EXOC4: variants seen among roughly 807,000 people sequenced by gnomAD.
The protein encoded by EXOC4 is exocyst complex component 4, also known as SEC8-like 1.
Under a neutral mutation model 107.2 loss-of-function variants are expected in EXOC4, and 71 were observed. The observed-to-expected ratio is 0.66, with a 90% CI of 0.55 to 0.81. The LOEUF (loss-of-function observed/expected upper bound fraction) is 0.81, where lower values mean the gene tolerates loss of function less well. EXOC4 is among the 30% of genes least tolerant of loss of function. The probability of loss-of-function intolerance (pLI) is 0.00; values close to 1 mark genes in which losing one functional copy is unlikely to be tolerated. For missense variants in EXOC4, 1,108 were observed against 1,189.6 expected, an observed-to-expected ratio of 0.93 and a Z score of 1.01; for synonymous variants, 456 against 441.2, an observed-to-expected ratio of 1.03 and a Z score of -0.42.
chr7:133,816,451 A>G (rs1249216540), intron 10 of EXOC4, among the ~76,000 whole-genome samples: 1 of 152,186 alleles, frequency 6.6e-6, no homozygotes, highest in East Asian at 1.9e-4. Flanking sequence ...GAGGAAGTAG[A>G]TCATTGCAAG....
At chr7:133,474,215 GT>G (rs1297124714) in intron 7 of EXOC4, among the ~76,000 whole-genome samples, 1 of 152,020 alleles carries the variant, frequency 6.6e-6, no homozygotes, top group East Asian at 1.9e-4. Context: ...GCTGCCTTTT[GT>G]TTTTAGTGTA....
At chr7:134,070,770 A>G (rs1174582969), downstream of EXOC4, among the ~76,000 whole-genome samples, 1 of 127,510 alleles carries the variant, frequency 7.8e-6, no homozygotes. Context: ...TTATGTGTGT[A>G]CAAATAACTG....
chr7:133,664,120 G>A (rs148130009), intron 10 of EXOC4, among the ~76,000 whole-genome samples: 4 of 151,964 alleles, frequency 2.6e-5, no homozygotes, highest in East Asian at 1.9e-4. Context: ...TTTCTCAAAC[G>A]TTACCTTCCT....
chr7:133,276,962 G>A (rs555103522), intron 2 of EXOC4, among the ~76,000 whole-genome samples: 2 of 151,830 alleles, frequency 1.3e-5, no homozygotes, highest in Admixed American at 6.6e-5. Flanking sequence ...AAATTAACTG[G>A]GCATTTTTTT....
intron 7 of EXOC4, among the ~76,000 whole-genome samples, chr7:133,415,036 T>C (rs1286883425): frequency 2.6e-5 from 4 of 152,310 alleles, no homozygotes; most frequent in East Asian, 3.9e-4. Flanking sequence ...TCATATAATA[T>C]GTGGTCTTTA....
chr7:134,080,751 G>A, the EXOC4 span, among the ~76,000 whole-genome samples: 3 of 151,804 alleles, frequency 2.0e-5, no homozygotes, highest in Non-Finnish European at 4.4e-5. Flanking sequence ...ACCAGCCCAG[G>A]CAACATAGCA....
At chr7:133,257,390 A>G (rs1380566398) in intron 1 of EXOC4, among the ~76,000 whole-genome samples, 2 of 151,712 alleles carry the variant, frequency 1.3e-5, no homozygotes, top group Non-Finnish European at 2.9e-5. Flanking sequence ...ACACACGTGC[A>G]CACACACAAT....
At chr7:133,825,965 A>C (rs1347495160) in intron 11 of EXOC4, among the ~76,000 whole-genome samples, 1 of 152,236 alleles carries the variant, frequency 6.6e-6, no homozygotes, top group African/African-American at 2.4e-5. Flanking sequence ...ATACCTAAAG[A>C]AACATTAACT....
chr7:133,950,893 T>A (rs1055325694), intron 14 of EXOC4, among the ~76,000 whole-genome samples: 8 of 152,254 alleles, frequency 5.3e-5, no homozygotes, highest in African/African-American at 1.9e-4. Context: ...ATCTTATTAC[T>A]TGTTTAATGG....
At chr7:133,628,637 A>G (rs1220009248) in intron 9 of EXOC4, among the ~76,000 whole-genome samples, 2 of 152,148 alleles carry the variant, frequency 1.3e-5, no homozygotes, top group African/African-American at 2.4e-5. Flanking sequence ...TTCACATTCT[A>G]AACTCTCTGA....
At chr7:133,336,805 C>G (rs1795527211) in intron 5 of EXOC4, among the ~76,000 whole-genome samples, 1 of 151,648 alleles carries the variant, frequency 6.6e-6, no homozygotes, top group Non-Finnish European at 1.5e-5. Context: ...ACCATCTTGG[C>G]TCACTGCAAC....
chr7:133,873,504 AG>A (rs1213147782), intron 11 of EXOC4, among the ~76,000 whole-genome samples: 1 of 152,178 alleles, frequency 6.6e-6, no homozygotes, highest in Non-Finnish European at 1.5e-5. Context: ...TGTGTGAGGC[AG>A]GGTAAGTGTG....
At chr7:133,419,863 G>A (rs2345073) in intron 7 of EXOC4, among the ~76,000 whole-genome samples, 73,063 of 151,890 alleles carry the variant, frequency 0.48, 17,973 homozygotes, top group East Asian at 0.6. Flanking sequence ...GGGACGCTGA[G>A]ATGGTTCCTC....
chr7:133,443,866 A>G (rs752069237), intron 7 of EXOC4, among the ~76,000 whole-genome samples: 1 of 152,162 alleles, frequency 6.6e-6, no homozygotes, highest in Non-Finnish European at 1.5e-5. Flanking sequence ...ACTGTATAAG[A>G]AGCACCTGTG....
intron 7 of EXOC4, among the ~76,000 whole-genome samples, chr7:133,401,942 C>G (rs747994548): frequency 6.6e-6 from 1 of 152,094 alleles, no homozygotes; most frequent in Non-Finnish European, 1.5e-5. Context: ...CACTAAGAAC[C>G]TTGGTAACAC....
chr7:133,713,240 C>A (rs535741146), intron 10 of EXOC4, among the ~76,000 whole-genome samples: 82 of 152,306 alleles, frequency 5.4e-4, no homozygotes, highest in African/African-American at 1.9e-3. Flanking sequence ...ACCAACTCAT[C>A]TCCTCTTCTA....
intron 14 of EXOC4, among the ~76,000 whole-genome samples, chr7:133,986,065 T>C (rs1329868879): frequency 1.3e-5 from 2 of 152,258 alleles, no homozygotes; most frequent in Non-Finnish European, 2.9e-5. Context: ...GTAGGCTTTA[T>C]TTCCACATCT....
At chr7:133,311,873 A>T (rs1046652591) in intron 4 of EXOC4, among the ~76,000 whole-genome samples, 1 of 152,202 alleles carries the variant, frequency 6.6e-6, no homozygotes, top group African/African-American at 2.4e-5. Flanking sequence ...TCAGAGAAAT[A>T]CACATTTGAA....
intron 9 of EXOC4, among the ~76,000 whole-genome samples, chr7:133,570,169 A>T (rs1410291464): frequency 6.6e-6 from 1 of 152,182 alleles, no homozygotes; most frequent in Admixed American, 6.5e-5. Context: ...GTGTCAATAT[A>T]TAATGTATAA....
Sources: gnomAD v4.1 joint callset for allele counts (sites outside exome capture counted in the v4.1 genomes callset) on GRCh38, gnomAD v4.1.1 for gene constraint, MANE v1.5 for transcripts, NCBI Gene and HGNC (gene_info 2026-07-23, HGNC 2026-07-21) for gene names.